ULK4: variants seen among roughly 807,000 people sequenced by gnomAD.
ULK4 encodes the protein inactive serine/threonine-protein kinase ULK4.
ULK4 carries 133 observed loss-of-function variants against 160.6 expected under a neutral mutation model. That is an observed-to-expected ratio of 0.83 (90% CI 0.72 to 0.96). ULK4 has a LOEUF of 0.96. Among genes scored for constraint, ULK4 ranks in the 40% least tolerant of loss-of-function variants. The probability of loss-of-function intolerance (pLI) is 0.00; values close to 1 mark genes in which losing one functional copy is unlikely to be tolerated. For missense variants in ULK4, 1,580 were observed against 1,499.5 expected, an observed-to-expected ratio of 1.05 and a Z score of -0.89; for synonymous variants, 534 against 539.8, an observed-to-expected ratio of 0.99 and a Z score of 0.15.
intron 34 of ULK4, among the ~76,000 whole-genome samples, chr3:41,423,940 T>C (rs2082719339): frequency 1.3e-5 from 2 of 152,090 alleles, no homozygotes; most frequent in Admixed American, 6.5e-5. Context: ...AGTTTATAGA[T>C]TTTCAGTGGC....
chr3:41,921,474 G>A (rs947384574), intron 5 of ULK4, among the ~76,000 whole-genome samples: 1 of 152,062 alleles, frequency 6.6e-6, no homozygotes, highest in Non-Finnish European at 1.5e-5. Context: ...AATTAGCCAG[G>A]CATGGTGGCA....
At chr3:41,457,721 G>A (rs1050165064) in intron 33 of ULK4, among the ~76,000 whole-genome samples, 2 of 152,146 alleles carry the variant, frequency 1.3e-5, no homozygotes, top group Non-Finnish European at 2.9e-5. Flanking sequence ...TGTGCATCTT[G>A]TACAGGGCCC....
chr3:41,743,334 A>G (rs2038304009), intron 22 of ULK4, among the ~76,000 whole-genome samples: 1 of 149,216 alleles, frequency 6.7e-6, no homozygotes, highest in African/African-American at 2.5e-5. Flanking sequence ...ACTAAAAAGG[A>G]AAAAAAAAAC....
At chr3:41,821,153 A>G (rs2128834) in intron 18 of ULK4, among the ~76,000 whole-genome samples, 38,748 of 152,012 alleles carry the variant, frequency 0.25, 6,119 homozygotes, top group African/African-American at 0.45. Context: ...CCCAAAACCT[A>G]AACTATCAGT....
chr3:41,643,792 A>C (rs2034350946), intron 30 of ULK4, among the ~76,000 whole-genome samples: 1 of 152,064 alleles, frequency 6.6e-6, no homozygotes, highest in Non-Finnish European at 1.5e-5. Context: ...CAGTATGGCC[A>C]TTTTCACAAT....
intron 32 of ULK4, among the ~76,000 whole-genome samples, chr3:41,559,864 T>C (rs1382442803): frequency 1.3e-5 from 2 of 152,206 alleles, no homozygotes; most frequent in Admixed American, 6.5e-5. Flanking sequence ...AGAAGCTCTT[T>C]AGTTTAATTA....
At chr3:41,266,528 C>T (rs577243372) in intron 35 of ULK4, among the ~76,000 whole-genome samples, 4 of 152,238 alleles carry the variant, frequency 2.6e-5, no homozygotes, top group South Asian at 2.1e-4. Flanking sequence ...GGAATTCTCA[C>T]GCACAGGCTG....
intron 30 of ULK4, among the ~76,000 whole-genome samples, chr3:41,648,027 G>C (rs563770406): frequency 6.6e-6 from 1 of 152,230 alleles, no homozygotes; most frequent in Non-Finnish European, 1.5e-5. Flanking sequence ...CTCGTGGTGC[G>C]CCATTTTTTA....
At chr3:41,498,912 G>A (rs1452794046) in intron 32 of ULK4, among the ~76,000 whole-genome samples, 1 of 151,980 alleles carries the variant, frequency 6.6e-6, no homozygotes, top group Non-Finnish European at 1.5e-5. Flanking sequence ...TTCTTTTAAA[G>A]ATTAATGTAA....
At chr3:41,307,179 A>G (rs1011893469) in intron 35 of ULK4, among the ~76,000 whole-genome samples, 1 of 151,990 alleles carries the variant, frequency 6.6e-6, no homozygotes, top group Admixed American at 6.5e-5. Context: ...AAAAACTGGA[A>G]TAGGACAGTG....
intron 12 of ULK4, among the ~76,000 whole-genome samples, chr3:41,902,753 G>C (rs1419778369): frequency 1.3e-5 from 2 of 151,970 alleles, no homozygotes; most frequent in African/African-American, 4.8e-5. Context: ...GGACTTTAAA[G>C]GCAAAAAGAC....
At chr3:41,953,301 TA>T (rs1353183355) in intron 2 of ULK4, among the ~76,000 whole-genome samples, 42 of 109,434 alleles carry the variant, frequency 3.8e-4, no homozygotes, top group African/African-American at 1.6e-3. Flanking sequence ...TATATATATA[TA>T]TATTTTTTTT....
intron 30 of ULK4, among the ~76,000 whole-genome samples, chr3:41,621,364 A>C (rs1000380894): frequency 2.0e-5 from 3 of 152,314 alleles, no homozygotes; most frequent in African/African-American, 7.2e-5. Flanking sequence ...ACTTCAAACT[A>C]TACTAAAAGG....
At chr3:41,947,134 T>C (rs1276295861) in intron 2 of ULK4, among the ~76,000 whole-genome samples, 1 of 152,144 alleles carries the variant, frequency 6.6e-6, no homozygotes, top group East Asian at 1.9e-4. Flanking sequence ...GAGACCATCC[T>C]GGCTAAAACG....
At chr3:41,939,229 C>T (rs1027993718) in intron 2 of ULK4, among the ~76,000 whole-genome samples, 42 of 151,316 alleles carry the variant, frequency 2.8e-4, no homozygotes, top group African/African-American at 1.0e-3. Flanking sequence ...GGTGCAATCT[C>T]GGCTCACTGC....
At chr3:41,708,861 T>C (rs1043627163) in intron 25 of ULK4, among the ~76,000 whole-genome samples, 2 of 152,232 alleles carry the variant, frequency 1.3e-5, no homozygotes, top group Non-Finnish European at 2.9e-5. Context: ...TATACAATTC[T>C]TATTCATCAA....
Position 41,681,503 on chromosome 3 carries a change from C to T in ULK4, c.2978+5G>A. ...TCTGCATGAATACAACTGCATGATA[C>T]TTACTGGGGAAGTAAGACATCTCGA... On this transcript the variant is annotated splice_donor_5th_base_variant and intron_variant, in intron 29 of 36. Transcript: ENST00000301831. The T allele has an allele frequency of 4.3e-6, 7 of 1,613,830 alleles. No homozygotes were observed. The highest frequency in any genetic ancestry group is 5.9e-6 in the Non-Finnish European group (7 of 1,179,904).
intron 27 of ULK4, among the ~76,000 whole-genome samples, chr3:41,702,614 AC>A (rs1385501613): frequency 6.6e-6 from 1 of 152,162 alleles, no homozygotes; most frequent in African/African-American, 2.4e-5. Context: ...AAGGCAAAAA[AC>A]ATTACTAGAT....
chr3:41,813,882 T>G (rs1022042963), intron 19 of ULK4, among the ~76,000 whole-genome samples: 1 of 152,238 alleles, frequency 6.6e-6, no homozygotes, highest in African/African-American at 2.4e-5. Flanking sequence ...CTTCAAAGAT[T>G]CCTAACTTTC....
Sources: allele counts gnomAD v4.1 joint callset (sites outside exome capture counted in the v4.1 genomes callset), GRCh38; gene constraint gnomAD v4.1.1; transcripts MANE v1.5; gene names NCBI Gene and HGNC (gene_info 2026-07-23, HGNC 2026-07-21).